Variants in GNS observed in about 807,000 individuals in gnomAD.
The protein encoded by GNS is glucosamine (N-acetyl)-6-sulfatase, also known as N-acetylglucosamine-6-sulfatase.
GNS carries 40 observed loss-of-function variants against 69.7 expected under a neutral mutation model. That is an observed-to-expected ratio of 0.57 (90% CI 0.45 to 0.75). The LOEUF is 0.75. Ranked by LOEUF, GNS falls within the 30% of genes least tolerant of loss-of-function variation. The probability of loss-of-function intolerance (pLI) is 0.00; values close to 1 mark genes in which losing one functional copy is unlikely to be tolerated. For synonymous variants in GNS, 243 were observed against 251.6 expected, an observed-to-expected ratio of 0.97 and a Z score of 0.32; for missense variants, 565 against 685.5, an observed-to-expected ratio of 0.82 and a Z score of 1.96.
At position 64,747,860 on chromosome 12, in the gene GNS, G is replaced by A. The variant is rs1236473511; in HGVS notation, c.311C>T (p.Pro104Leu). Residue 104 changes from proline to leucine, a missense_variant, in exon 3 of 14, where the codon CCA becomes CTA. By Grantham distance (98) the Pro-to-Leu change is moderately conservative (BLOSUM62 -3). Transcript: ENST00000258145. Reference protein sequence around the residue: ...SRASILTGKYPHNHHVVNNTL... With the variant: ...SRASILTGKYLHNHHVVNNTL... ...GTTGTTCACAACGTGATGATTATGT[G>A]GGTACTTTCCTGTCAGGATACTGGC... 6.8e-6 allele frequency: 11 copies of A among 1,610,732 alleles called. No individual in the cohort carries two copies. In the Admixed American group the frequency reaches 1.3e-4, roughly 20 times the overall value.
chr12:64,747,849 G>C lies in GNS; in HGVS notation c.322C>G (p.His108Asp). ...ILTGKYPHNH[H>D]VVNNTLEGNC... The stretch of plus-strand genomic sequence containing the variant: ...CCCTCCAGAGTGTTGTTCACAACGT[G>C]ATGATTATGTGGGTACTTTCCTGTC... Residue 108 changes from histidine to aspartate, a missense_variant, in exon 3 of 14, where the codon CAC (histidine) becomes GAC (aspartate). Transcript: ENST00000258145. The C allele has an allele frequency of 6.2e-7, 1 of 1,609,776 alleles. No homozygotes were observed. Among genetic ancestry groups the C allele is most frequent in the Non-Finnish European group, 8.5e-7 (1 of 1,176,086 alleles).
chr12:64,730,434 C>CAAAAAAAAAAAAAAAAAAAAAAAGA (rs1869352165), intron 9 of GNS, among the ~76,000 whole-genome samples: 1 of 43,382 alleles, frequency 2.3e-5, no homozygotes, highest in Non-Finnish European at 3.9e-5. Context: ...ATATGAAAGG[C>CAAAAAAAAAAAAAAAAAAAAAAAGA]AAAAAAAAAA....
At chr12:64,746,607 G>A (rs754445337) in intron 3 of GNS, among the ~76,000 whole-genome samples, 6 of 152,092 alleles carry the variant, frequency 3.9e-5, no homozygotes, top group South Asian at 2.1e-4. Context: ...ATAAAATAAA[G>A]AAACCACAGA....
rs11175539 is a variant in GNS, at chr12:64,753,452, G to A, written c.193-695C>T. On this transcript the variant is annotated intron_variant, in intron 1 of 13. Coordinates refer to ENST00000258145, the MANE Select transcript of GNS (RefSeq NM_002076.4). ...GAATGAGGACAAAAGTATGAAGACAGTCATTTAAATACGAATAAAAGGAAC... is the reference window on the plus strand; with the variant it reads ...GAATGAGGACAAAAGTATGAAGACAATCATTTAAATACGAATAAAAGGAAC... Among the ~76,000 whole-genome samples, 201 of 152,308 alleles carry A rather than the reference G, an allele frequency of 1.3e-3. 1 individual carries two copies. Among genetic ancestry groups the A allele is most frequent in the African/African-American group, 4.7e-3 (196 of 41,572 alleles).
rs538984237 is a variant in GNS at position 64,754,111 on chromosome 12, G to A, written c.193-1354C>T. Reference sequence around the variant, plus strand: ...AGAATATCTGATTTACAGTAAGACTGTGTAATAACATTTATTAAACACAAC... The same window carrying A: ...AGAATATCTGATTTACAGTAAGACTATGTAATAACATTTATTAAACACAAC... On this transcript the variant is annotated intron_variant, in intron 1 of 13. Coordinates refer to ENST00000258145, the MANE Select transcript of GNS (RefSeq NM_002076.4). Among the ~76,000 whole-genome samples, 9 of 152,196 alleles carry A rather than the reference G, an allele frequency of 5.9e-5. No homozygotes were observed. In the East Asian group the frequency reaches 1.8e-3, roughly 30 times the overall value.
At chr12:64,727,381 A>G (rs1278912361) in intron 10 of GNS, among the ~76,000 whole-genome samples, 2 of 137,276 alleles carry the variant, frequency 1.5e-5, no homozygotes, top group Admixed American at 7.4e-5. Context: ...GGCTGCAGTG[A>G]GCTGTGATTG....
At chr12:64,752,790 T>A (rs372390050) in intron 1 of GNS, 33 bp from the exon 2 acceptor site, 8 of 1,074,438 alleles carry the variant, frequency 7.4e-6, no homozygotes, top group Non-Finnish European at 1.2e-5. Flanking sequence ...ATTAAACAAT[T>A]TCTTCCAATA....
At chr12:64,728,862 A>G in intron 10 of GNS, 94 bp downstream of exon 10, 1 of 696,204 alleles carries the variant, frequency 1.4e-6, no homozygotes. Flanking sequence ...CCCAAATTTA[A>G]TAGTATTATT....
intron 2 of GNS, among the ~76,000 whole-genome samples, chr12:64,749,279 T>G (rs1485613328): frequency 1.0e-5 from 1 of 99,296 alleles, no homozygotes; most frequent in African/African-American, 3.8e-5. Flanking sequence ...TTGAGACACA[T>G]TCTCGCTCTA....
At position 64,729,013 on chromosome 12, in the gene GNS, A is replaced by C. The variant is rs778451711; in HGVS notation, c.1143T>G (p.Ile381Met). ...GTGTCTTATTTAGGTCGTAGCCAGC[A>C]ATGTCCAAAATAGTAGGACCCAAGT... is the stretch of plus-strand genomic sequence containing the variant. ...NIDLGPTILD[I>M]AGYDLNKTQM... is the part of the protein sequence containing the mutation. The change falls in exon 10 of 14, where the codon ATT (isoleucine) becomes ATG (methionine). Residue 381 changes from isoleucine (I) to methionine (M), a missense_variant. This residue lies in a region of GNS where 384 missense variants were observed against 511.0 expected (regional missense o/e 0.75). Coordinates refer to ENST00000258145, the MANE Select transcript of GNS (RefSeq NM_002076.4). 1 of 1,603,812 alleles carries C rather than the reference A, an allele frequency of 6.2e-7. No homozygotes were observed. The highest frequency in any genetic ancestry group is 8.5e-7 in the Non-Finnish European group (1 of 1,170,622).
At chr12:64,739,766 T>C (rs1364731923) in intron 7 of GNS, among the ~76,000 whole-genome samples, 1 of 152,198 alleles carries the variant, frequency 6.6e-6, no homozygotes, top group African/African-American at 2.4e-5. Flanking sequence ...CAAAGTTAAT[T>C]GTTTCCAAAG....
At chr12:64,753,263 C>A (rs1025076883) in intron 1 of GNS, among the ~76,000 whole-genome samples, 9 of 152,070 alleles carry the variant, frequency 5.9e-5, no homozygotes, top group Admixed American at 5.2e-4. Flanking sequence ...TCTGCATAGA[C>A]CCACAAGCAC....
intron 9 of GNS, among the ~76,000 whole-genome samples, chr12:64,734,840 C>T (rs574725325): frequency 1.3e-5 from 2 of 152,238 alleles, no homozygotes; most frequent in South Asian, 2.1e-4. Context: ...TGGTGGCTCG[C>T]GCCTGTAATC....
intron 9 of GNS, among the ~76,000 whole-genome samples, chr12:64,730,434 CAAAA>C (rs35692874): frequency 2.3e-3 from 100 of 43,384 alleles, no homozygotes; most frequent in African/African-American, 9.7e-3. Flanking sequence ...ATATGAAAGG[CAAAA>C]AAAAAAAAAA....
At chr12:64,758,951 G>T (rs1870372139) in intron 1 of GNS, 134 bp downstream of exon 1, 9 of 771,180 alleles carry the variant, frequency 1.2e-5, no homozygotes, top group Non-Finnish European at 1.6e-5. Context: ...AAGGGCCTCA[G>T]GTGGGAAAAC....
chr12:64,727,704 A>G (rs1869251683), intron 10 of GNS, among the ~76,000 whole-genome samples: 1 of 152,202 alleles, frequency 6.6e-6, no homozygotes, highest in Non-Finnish European at 1.5e-5. Flanking sequence ...ATACAGACGT[A>G]AAGAAGATTC....
intron 13 of GNS, among the ~76,000 whole-genome samples, 196 bp from the exon 14 acceptor site, chr12:64,717,015 T>TCACA (rs1368559932): frequency 6.6e-6 from 1 of 152,092 alleles, no homozygotes; most frequent in East Asian, 1.9e-4. Flanking sequence ...ACACACAAAG[T>TCACA]CACACAGTGC....
At chr12:64,743,097 A>T in intron 6 of GNS, 44 bp downstream of exon 6, 1 of 1,423,330 alleles carries the variant, frequency 7.0e-7, no homozygotes, top group Non-Finnish European at 9.9e-7. Context: ...CCATATAGTT[A>T]ATGATACTTA....
chr12:64,747,956 A>G (rs745675749), intron 2 of GNS, 38 bp from the exon 3 acceptor site: 1 of 1,085,098 alleles, frequency 9.2e-7, no homozygotes, highest in Non-Finnish European at 1.4e-6. Context: ...AAAGTCACAC[A>G]AGAAAGATGG....
Sources: allele counts gnomAD v4.1 joint callset (sites outside exome capture counted in the v4.1 genomes callset), GRCh38; gene constraint gnomAD v4.1.1; regional missense constraint gnomAD v4.1.1; transcripts MANE v1.5; gene names NCBI Gene and HGNC (gene_info 2026-07-23, HGNC 2026-07-21).